The following ZNF385D variants were observed in gnomAD, a reference collection of about 807,000 sequenced individuals.
The protein encoded by ZNF385D is zinc finger protein 659.
In ZNF385D, 15 loss-of-function variants were observed where a neutral mutation model predicts 35.8. The observed-to-expected ratio is 0.42, with a 90% confidence interval of 0.28 to 0.64. The LOEUF is 0.64. Among genes scored for constraint, ZNF385D ranks in the 30% least tolerant of loss-of-function variants. The pLI, the probability that ZNF385D is intolerant of heterozygous loss-of-function variation, is 0.23. For missense variants in ZNF385D, 474 were observed against 494.6 expected, an observed-to-expected ratio of 0.96 and a Z score of 0.39; for synonymous variants, 212 against 186.8, an observed-to-expected ratio of 1.13 and a Z score of -1.10.
At chr3:21,476,903 C>G (rs1704282909) in intron 4 of ZNF385D, among the ~76,000 whole-genome samples, 1 of 151,792 alleles carries the variant, frequency 6.6e-6, no homozygotes, top group Non-Finnish European at 1.5e-5. Context: ...GGTATCCATA[C>G]CCCTCTCTGT....
At chr3:21,577,828 G>A (rs78041948) in intron 2 of ZNF385D, among the ~76,000 whole-genome samples, 5 of 132,842 alleles carry the variant, frequency 3.8e-5, no homozygotes, top group African/African-American at 8.5e-5. Flanking sequence ...TTTTTTTTTC[G>A]AGACAGGGTC....
At chr3:21,836,654 T>C (rs986334692) in intron 3 of ZNF385D, among the ~76,000 whole-genome samples, 1 of 152,096 alleles carries the variant, frequency 6.6e-6, no homozygotes. Context: ...AAAGAAACCA[T>C]AGTATGTAAA....
At chr3:21,516,955 T>C (rs1247961456) in intron 3 of ZNF385D, among the ~76,000 whole-genome samples, 1 of 152,132 alleles carries the variant, frequency 6.6e-6, no homozygotes, top group Non-Finnish European at 1.5e-5. Context: ...TGAAATGTTT[T>C]TCCCTTTTTT....
At chr3:21,812,719 C>A (rs1046683077) in intron 3 of ZNF385D, among the ~76,000 whole-genome samples, 3 of 152,218 alleles carry the variant, frequency 2.0e-5, no homozygotes, top group Non-Finnish European at 4.4e-5. Flanking sequence ...GCGTGGAGCC[C>A]ACCACAGCTC....
chr3:22,040,875 G>T (rs977926625), intron 3 of ZNF385D, among the ~76,000 whole-genome samples: 1 of 151,802 alleles, frequency 6.6e-6, no homozygotes, highest in Non-Finnish European at 1.5e-5. Context: ...CAAGTGTCTT[G>T]CTTGCTAGAG....
At chr3:22,259,278 G>A (rs551195127) in intron 2 of ZNF385D, among the ~76,000 whole-genome samples, 36 of 151,990 alleles carry the variant, frequency 2.4e-4, no homozygotes, top group African/African-American at 7.9e-4. Context: ...GAATTGGGGA[G>A]TTGTTTACCT....
chr3:21,435,164 T>C (rs1051492314), intron 5 of ZNF385D, among the ~76,000 whole-genome samples: 30 of 151,814 alleles, frequency 2.0e-4, no homozygotes, highest in Admixed American at 1.9e-3. Flanking sequence ...GGAAGTAGAA[T>C]AGGAAAAATG....
At chr3:21,984,486 C>G (rs1471663943) in intron 3 of ZNF385D, among the ~76,000 whole-genome samples, 1 of 133,264 alleles carries the variant, frequency 7.5e-6, no homozygotes, top group Non-Finnish European at 1.6e-5. Flanking sequence ...AGGTATACGG[C>G]GTTATTTCTG....
intron 2 of ZNF385D, among the ~76,000 whole-genome samples, chr3:22,177,583 C>CT (rs1219842571): frequency 1.3e-5 from 2 of 152,026 alleles, no homozygotes; most frequent in South Asian, 2.1e-4. Flanking sequence ...CTGACTATGA[C>CT]TTTTTTTTAT....
intron 3 of ZNF385D, among the ~76,000 whole-genome samples, chr3:21,932,145 C>A (rs1183160820): frequency 3.2e-5 from 3 of 94,316 alleles, no homozygotes; most frequent in South Asian, 3.8e-4. Flanking sequence ...CCGGCCTGGG[C>A]GAAAGAGCAA....
At chr3:21,474,554 C>A (rs2125355336) in intron 4 of ZNF385D, among the ~76,000 whole-genome samples, 1 of 152,194 alleles carries the variant, frequency 6.6e-6, no homozygotes, top group Middle Eastern at 3.4e-3. Context: ...CAGATACACA[C>A]AAATGAGCCT....
At chr3:22,310,019 G>A (rs1230374060) in intron 2 of ZNF385D, among the ~76,000 whole-genome samples, 2 of 151,934 alleles carry the variant, frequency 1.3e-5, no homozygotes, top group Non-Finnish European at 2.9e-5. Flanking sequence ...AGAGATTAGA[G>A]TTATTTACAT....
At chr3:22,144,032 AGACT>A (rs201280451) in intron 3 of ZNF385D, among the ~76,000 whole-genome samples, 3,663 of 152,286 alleles carry the variant, frequency 0.024, 150 homozygotes, top group African/African-American at 0.082. Context: ...TTTTATAGAA[AGACT>A]GACTGAAGAG....
chr3:21,948,472 T>TA (rs1166571905), intron 3 of ZNF385D, among the ~76,000 whole-genome samples: 1 of 152,078 alleles, frequency 6.6e-6, no homozygotes, highest in African/African-American at 2.4e-5. Flanking sequence ...TTACATTTTA[T>TA]AGTAAAATAT....
chr3:21,951,777 G>A (rs1240216510), intron 3 of ZNF385D, among the ~76,000 whole-genome samples: 2 of 151,502 alleles, frequency 1.3e-5, no homozygotes, highest in Non-Finnish European at 2.9e-5. Flanking sequence ...TATATACAAT[G>A]CATTTTCTAA....
chr3:21,814,351 A>G (rs2073058185), intron 3 of ZNF385D, among the ~76,000 whole-genome samples: 1 of 152,230 alleles, frequency 6.6e-6, no homozygotes. Flanking sequence ...ACATAACAAT[A>G]TTAACCTTAC....
intron 2 of ZNF385D, among the ~76,000 whole-genome samples, chr3:21,581,568 A>G (rs1012821219): frequency 6.6e-6 from 1 of 152,200 alleles, no homozygotes; most frequent in Non-Finnish European, 1.5e-5. Context: ...AGACATGTGA[A>G]AACAGCCACC....
At chr3:22,018,558 A>T (rs1294103702) in intron 3 of ZNF385D, among the ~76,000 whole-genome samples, 1 of 152,004 alleles carries the variant, frequency 6.6e-6, no homozygotes, top group Admixed American at 6.6e-5. Flanking sequence ...GTTTCATTAC[A>T]TCTTCCATTA....
At chr3:22,256,748 C>G (rs962262461) in intron 2 of ZNF385D, among the ~76,000 whole-genome samples, 1 of 151,774 alleles carries the variant, frequency 6.6e-6, no homozygotes, top group African/African-American at 2.4e-5. Context: ...ACTCATTCTA[C>G]TAATATATTA....
Sources: gnomAD v4.1 joint callset for allele counts (sites outside exome capture counted in the v4.1 genomes callset) on GRCh38, gnomAD v4.1.1 for gene constraint, MANE v1.5 for transcripts, NCBI Gene and HGNC (gene_info 2026-07-23, HGNC 2026-07-21) for gene names.